Variants in ERG observed in about 807,000 individuals in gnomAD.
ERG encodes the protein transcriptional regulator ERG.
Under a neutral mutation model 55.3 loss-of-function variants are expected in ERG, and 9 were observed. The observed-to-expected ratio is 0.16, with a 90% confidence interval of 0.10 to 0.28. The LOEUF (loss-of-function observed/expected upper bound fraction) is 0.28, where lower values mean the gene tolerates loss of function less well. ERG is among the 10% of genes least tolerant of loss of function. ERG has a pLI of 1.00. For synonymous variants in ERG, 223 were observed against 237.3 expected, an observed-to-expected ratio of 0.94 and a Z score of 0.55; for missense variants, 434 against 631.6, an observed-to-expected ratio of 0.69 and a Z score of 3.35.
downstream of ERG, among the ~76,000 whole-genome samples, chr21:38,379,766 G>T (rs1049054128): frequency 6.6e-6 from 1 of 152,118 alleles, no homozygotes; most frequent in East Asian, 1.9e-4. Flanking sequence ...TTGAATCAGG[G>T]TGTCACTCTG....
chr21:38,649,882 C>T (rs1379170388), intron 1 of ERG, among the ~76,000 whole-genome samples: 3 of 152,314 alleles, frequency 2.0e-5, no homozygotes, highest in African/African-American at 4.8e-5. Flanking sequence ...AATGAAGCAT[C>T]GCTACACACC....
intron 2 of ERG, among the ~76,000 whole-genome samples, chr21:38,537,745 C>G (rs1043799153): frequency 2.0e-5 from 3 of 152,058 alleles, no homozygotes; most frequent in Non-Finnish European, 4.4e-5. Context: ...GGGAAAGTCA[C>G]TATAAAAAAC....
chr21:38,636,536 T>C (rs1212525855), intron 1 of ERG, among the ~76,000 whole-genome samples: 1 of 152,212 alleles, frequency 6.6e-6, no homozygotes, highest in Non-Finnish European at 1.5e-5. Flanking sequence ...CCTGAAGGTA[T>C]TTACTCAAGC....
At chr21:38,379,623 T>G (rs371874386), downstream of ERG, among the ~76,000 whole-genome samples, 16 of 152,366 alleles carry the variant, frequency 1.1e-4, no homozygotes, top group African/African-American at 2.6e-4. Context: ...AATAATAGTT[T>G]AACATTTTTT....
intron 1 of ERG, among the ~76,000 whole-genome samples, chr21:38,613,311 C>A (rs1222939659): frequency 1.3e-5 from 2 of 152,190 alleles, no homozygotes; most frequent in Admixed American, 1.3e-4. Flanking sequence ...GGCCCCTTTC[C>A]AGTCTACAGT....
intron 9 of ERG, among the ~76,000 whole-genome samples, chr21:38,387,592 C>T (rs1273425296): frequency 6.6e-6 from 1 of 152,142 alleles, no homozygotes; most frequent in Non-Finnish European, 1.5e-5. Flanking sequence ...AGGATGAACT[C>T]AGTACTTGAA....
intron 1 of ERG, among the ~76,000 whole-genome samples, chr21:38,617,917 G>A (rs891575902): frequency 6.6e-6 from 1 of 152,114 alleles, no homozygotes; most frequent in Non-Finnish European, 1.5e-5. Flanking sequence ...CAGTGGCACC[G>A]ACCCAGACAA....
chr21:38,576,663 C>T (rs568093158), intron 1 of ERG, among the ~76,000 whole-genome samples: 38 of 152,282 alleles, frequency 2.5e-4, no homozygotes, highest in African/African-American at 8.9e-4. Context: ...CTGTCACAGG[C>T]CCCAGGGCTG....
In ERG at chr21:38,382,485, T is replaced by A; in HGVS notation, c.*918A>T. ...TGACAAACAAAGAAAGAGATGCGCATTTTTGTTTCTGAATTCTACTACTTC... is the reference window on the plus strand; with the variant it reads ...TGACAAACAAAGAAAGAGATGCGCAATTTTGTTTCTGAATTCTACTACTTC... On this transcript the variant is annotated 3_prime_UTR_variant, in exon 10 of 10. Coordinates refer to ENST00000288319, the MANE Select transcript of ERG (RefSeq NM_182918.4). The A allele has an allele frequency of 9.4e-7, 1 of 1,064,332 alleles. No homozygotes were observed. Among genetic ancestry groups the A allele is most frequent in the Non-Finnish European group, 1.1e-6 (1 of 878,394 alleles). The allele number at this position is 1,064,332 out of a possible 1,614,324, so 65.9% of individuals were successfully genotyped here.
intron 1 of ERG, among the ~76,000 whole-genome samples, chr21:38,638,814 C>T (rs1449806491): frequency 6.6e-6 from 1 of 152,132 alleles, no homozygotes; most frequent in Non-Finnish European, 1.5e-5. Context: ...CCTCCTCCTC[C>T]CACATCCCCT....
intron 1 of ERG, among the ~76,000 whole-genome samples, chr21:38,628,266 T>G (rs780312748): frequency 3.3e-5 from 5 of 152,182 alleles, no homozygotes; most frequent in Non-Finnish European, 7.4e-5. Context: ...TTCTTTCTTT[T>G]GCTTCTCTGT....
chr21:38,429,523 A>G lies in ERG; in HGVS notation c.237-5962T>C, dbSNP rs531565981. On this transcript the variant is annotated intron_variant, in intron 2 of 9. Coordinates refer to ENST00000288319, the MANE Select transcript of ERG (RefSeq NM_182918.4). ...TATATACATATGTGTATATACATGT[A>G]TGCACATGTACATATATACATATGT... 2.5e-5 allele frequency among the ~76,000 whole-genome samples: 3 copies of G among 120,494 alleles called. 1 individual carries two copies. The highest frequency in any genetic ancestry group is 9.5e-5 in the African/African-American group (3 of 31,604). 79.0% of individuals were successfully genotyped at this position (120,494 alleles called of 152,430 possible).
intron 2 of ERG, among the ~76,000 whole-genome samples, chr21:38,506,122 A>T (rs1223133382): frequency 6.6e-6 from 1 of 152,198 alleles, no homozygotes; most frequent in Non-Finnish European, 1.5e-5. Context: ...ATAAGATTAA[A>T]GGCATAAATC....
At chr21:38,537,377 TATAAAATAAG>T (rs2059718360) in intron 2 of ERG, among the ~76,000 whole-genome samples, 1 of 151,886 alleles carries the variant, frequency 6.6e-6, no homozygotes, top group South Asian at 2.1e-4. Context: ...AAAGACATCC[TATAAAATAAG>T]AGAAAATATC....
At position 38,472,955 on chromosome 21, in the gene ERG, A is replaced by T. The variant is rs570953653; in HGVS notation, c.18+25408T>A. Among the ~76,000 whole-genome samples, 7 of 152,116 alleles carry T rather than the reference A, an allele frequency of 4.6e-5. No individual in the cohort carries two copies. The South Asian group carries it at 1.5e-3, about 32-fold the overall frequency. ...GTTTTGCAGCCCATCTCGGCCCTTG[A>T]GCTTGGCTCCTCGGCTGACCTCGGC... is the stretch of plus-strand genomic sequence containing the variant. On this transcript the variant is annotated intron_variant, in intron 1 of 9. Transcript: ENST00000288319.
At chr21:38,539,674 C>T (rs2059737321) in intron 2 of ERG, among the ~76,000 whole-genome samples, 1 of 152,030 alleles carries the variant, frequency 6.6e-6, no homozygotes. Context: ...CATTGAAGCC[C>T]CTGCCTGTCT....
chr21:38,584,043 A>C (rs1004699984), intron 1 of ERG, among the ~76,000 whole-genome samples: 1 of 152,250 alleles, frequency 6.6e-6, no homozygotes, highest in Non-Finnish European at 1.5e-5. Flanking sequence ...CATGGCCTCA[A>C]GAGCCACATC....
At chr21:38,489,245 T>C (rs1413614193) in intron 1 of ERG, among the ~76,000 whole-genome samples, 3 of 152,196 alleles carry the variant, frequency 2.0e-5, no homozygotes, top group African/African-American at 4.8e-5. Flanking sequence ...CTTTAAAAAA[T>C]GTATACATGT....
chr21:38,572,354 C>T (rs750215954), intron 2 of ERG, among the ~76,000 whole-genome samples: 1 of 134,998 alleles, frequency 7.4e-6, no homozygotes, highest in Non-Finnish European at 1.5e-5. Flanking sequence ...GGCAACAAAG[C>T]GAGACTCCAT....
Sources: allele counts gnomAD v4.1 joint callset (sites outside exome capture counted in the v4.1 genomes callset), GRCh38; gene constraint gnomAD v4.1.1; transcripts MANE v1.5; gene names NCBI Gene and HGNC (gene_info 2026-07-23, HGNC 2026-07-21).